Variants in HDAC9 observed in about 807,000 individuals in gnomAD.
The protein encoded by HDAC9 is MEF-2 interacting transcription repressor (MITR) protein.
Under a neutral mutation model 139.4 loss-of-function variants are expected in HDAC9, and 41 were observed. The ratio of observed to expected loss-of-function variants is 0.29; its 90% CI spans 0.23 to 0.38. The LOEUF is 0.38. Among genes scored for constraint, HDAC9 ranks in the 10% least tolerant of loss-of-function variants. The probability of loss-of-function intolerance (pLI) is 1.00; values close to 1 mark genes in which losing one functional copy is unlikely to be tolerated. For synonymous variants in HDAC9, 517 were observed against 476.2 expected (o/e 1.09, Z -1.12); for missense variants, 1,147 against 1,297.0 (o/e 0.88, Z 1.78).
intron 2 of HDAC9, among the ~76,000 whole-genome samples, chr7:18,197,113 A>G (rs1790782574): frequency 6.6e-6 from 1 of 152,162 alleles, no homozygotes; most frequent in Admixed American, 6.6e-5. Context: ...TTAAACTGGG[A>G]CATTGACCAT....
chr7:18,915,957 G>T (rs1332458085), intron 22 of HDAC9, among the ~76,000 whole-genome samples: 1 of 148,208 alleles, frequency 6.7e-6, no homozygotes, highest in Non-Finnish European at 1.5e-5. Flanking sequence ...AGATGTTAAG[G>T]CTTCGCATCA....
In HDAC9 at chr7:18,379,950, C is replaced by G. The variant is rs528869712; in HGVS notation, c.-42+89435C>G. 2.6e-5 allele frequency among the ~76,000 whole-genome samples: 4 copies of G among 152,290 alleles called. No individual in the cohort carries two copies. In the South Asian group the frequency reaches 6.2e-4, roughly 24 times the overall value. ...TGGCTCTTACTCAAGAAAACCTCCA[C>G]TAAGTCAGGGCAGAATCGCTCCTGT... is the stretch of plus-strand genomic sequence containing the variant. On this transcript the variant is annotated intron_variant, in intron 1 of 3. Coordinates refer to the HDAC9 transcript ENST00000413509.
At chr7:18,568,024 A>ATG (rs1156992954) in intron 2 of HDAC9, among the ~76,000 whole-genome samples, 89 of 75,458 alleles carry the variant, frequency 1.2e-3, no homozygotes, top group South Asian at 0.011. Flanking sequence ...ATATATGTAT[A>ATG]TGTATATATA....
chr7:18,135,571 C>T (rs1488983157), intron 1 of HDAC9, among the ~76,000 whole-genome samples: 22 of 126,842 alleles, frequency 1.7e-4, no homozygotes, highest in Middle Eastern at 3.6e-3. Flanking sequence ...TTTGTTCTTG[C>T]GATAGTTTAC....
intron 22 of HDAC9, 76 bp downstream of exon 22, chr7:18,874,672 C>T: frequency 1.3e-6 from 1 of 798,018 alleles, no homozygotes; most frequent in South Asian, 1.5e-5. Context: ...TAGACACCAC[C>T]TTTTACATGT....
chr7:18,920,412 CT>C (rs1336656560), intron 22 of HDAC9, among the ~76,000 whole-genome samples: 10 of 152,200 alleles, frequency 6.6e-5, no homozygotes, highest in Admixed American at 6.5e-4. Context: ...ATGGGGTTTT[CT>C]AGATATACAA....
At chr7:18,410,674 A>G (rs143693758) in intron 1 of HDAC9, among the ~76,000 whole-genome samples, 46 of 152,298 alleles carry the variant, frequency 3.0e-4, no homozygotes, top group African/African-American at 9.9e-4. Flanking sequence ...CATACAGTAG[A>G]GTTGACAGGA....
At chr7:18,312,346 C>T (rs1201509088) in intron 1 of HDAC9, among the ~76,000 whole-genome samples, 5 of 152,044 alleles carry the variant, frequency 3.3e-5, no homozygotes, top group Non-Finnish European at 7.4e-5. Context: ...GAATGCTATG[C>T]TGTGTGTGTC....
rs144322108 is a variant in HDAC9 at position 18,565,428 on chromosome 7, T to A, written c.23-19853T>A. Among the ~76,000 whole-genome samples, 101 of 152,336 alleles carry A rather than the reference T, an allele frequency of 6.6e-4. 1 individual carries two copies. The highest frequency in any genetic ancestry group is 2.3e-3 in the African/African-American group (96 of 41,576). Reference sequence around the variant, plus strand: ...TTCCTCAGCATCTTAATATCCAAACTCTACTTGCTCACAAGATTACTTAAT... The same window carrying A: ...TTCCTCAGCATCTTAATATCCAAACACTACTTGCTCACAAGATTACTTAAT... On this transcript the variant is annotated intron_variant, in intron 2 of 25. Coordinates refer to ENST00000686413, the MANE Select transcript of HDAC9 (RefSeq NM_178425.4).
At chr7:18,613,197 A>T in intron 6 of HDAC9, among the ~76,000 whole-genome samples, 1 of 151,480 alleles carries the variant, frequency 6.6e-6, no homozygotes, top group African/African-American at 2.4e-5. Context: ...AAGGAACTGA[A>T]TATATTGGAA....
At chr7:18,108,258 G>T (rs1375504898) in intron 1 of HDAC9, among the ~76,000 whole-genome samples, 1 of 152,190 alleles carries the variant, frequency 6.6e-6, no homozygotes, top group Admixed American at 6.5e-5. Context: ...TTGGAAGTCT[G>T]TGGGCACAGA....
At chr7:18,540,880 G>A (rs954778983) in intron 2 of HDAC9, among the ~76,000 whole-genome samples, 2 of 152,160 alleles carry the variant, frequency 1.3e-5, no homozygotes, top group Non-Finnish European at 2.9e-5. Flanking sequence ...CTTTACATAT[G>A]TTAACCTACA....
At chr7:18,276,006 C>G (rs1796694039) in intron 2 of HDAC9, among the ~76,000 whole-genome samples, 1 of 152,054 alleles carries the variant, frequency 6.6e-6, no homozygotes, top group South Asian at 2.1e-4. Flanking sequence ...TCTCGGTAAA[C>G]ATATGTTTAA....
intron 24 of HDAC9, among the ~76,000 whole-genome samples, chr7:18,970,163 T>G (rs1189648413): frequency 4.6e-5 from 7 of 152,164 alleles, no homozygotes; most frequent in Non-Finnish European, 8.8e-5. Context: ...CTAAAGTATT[T>G]AGACCCCGTT....
At chr7:18,303,883 TCTA>T (rs35364383) in intron 1 of HDAC9, among the ~76,000 whole-genome samples, 29,097 of 152,184 alleles carry the variant, frequency 0.19, 2,842 homozygotes, top group Middle Eastern at 0.21. Flanking sequence ...GTAGCAGTGT[TCTA>T]GAAATGTCAG....
At chr7:18,784,964 TGTGTGTGTGTC>T (rs1791579361) in intron 16 of HDAC9, among the ~76,000 whole-genome samples, 6 of 151,674 alleles carry the variant, frequency 4.0e-5, no homozygotes, top group African/African-American at 7.3e-5. Flanking sequence ...TGTGTGTGTG[TGTGTGTGTGTC>T]TGTGTGTGCA....
At chr7:18,610,827 G>A (rs544521401) in intron 6 of HDAC9, among the ~76,000 whole-genome samples, 4 of 152,240 alleles carry the variant, frequency 2.6e-5, no homozygotes, top group African/African-American at 7.2e-5. Context: ...TTACAATTCC[G>A]TTCCTTTAAT....
chr7:18,806,974 ATTAG>A (rs1263784325), intron 17 of HDAC9, among the ~76,000 whole-genome samples: 2 of 152,188 alleles, frequency 1.3e-5, no homozygotes, highest in Non-Finnish European at 2.9e-5. Flanking sequence ...CCCTCATAAA[ATTAG>A]TTAGAAATGC....
chr7:18,863,517 G>A (rs1047305865), intron 21 of HDAC9, among the ~76,000 whole-genome samples: 7 of 152,252 alleles, frequency 4.6e-5, no homozygotes, highest in South Asian at 2.1e-4. Flanking sequence ...GCAATTCTTC[G>A]TCTTCTAATG....
Sources: gnomAD v4.1 joint callset for allele counts (sites outside exome capture counted in the v4.1 genomes callset) on GRCh38, gnomAD v4.1.1 for gene constraint, MANE v1.5 for transcripts, NCBI Gene and HGNC (gene_info 2026-07-23, HGNC 2026-07-21) for gene names.